Variants in TMEM164 observed in about 807,000 individuals in gnomAD.
The protein encoded by TMEM164 is RP13-360B22.2.
A neutral mutation model predicts 18.8 loss-of-function variants in TMEM164; 4 were observed. That is an observed-to-expected ratio of 0.21 (90% confidence interval 0.10 to 0.49). The LOEUF (loss-of-function observed/expected upper bound fraction) is 0.49, where lower values mean the gene tolerates loss of function less well. Among genes scored for constraint, TMEM164 ranks in the 20% least tolerant of loss-of-function variants. The probability of loss-of-function intolerance (pLI) is 0.98; values close to 1 mark genes in which losing one functional copy is unlikely to be tolerated. For synonymous variants in TMEM164, 86 were observed against 101.7 expected (o/e 0.85, Z 0.93); for missense variants, 108 against 239.9 (o/e 0.45, Z 3.63).
chrX:110,143,530 G>C (rs1042960005), intron 4 of TMEM164, among the ~76,000 whole-genome samples: 2 of 111,453 alleles, frequency 1.8e-5, no homozygotes, highest in Non-Finnish European at 3.8e-5. Flanking sequence ...TGGGTCCCTG[G>C]GAAATTATTT....
At chrX:110,172,014 G>A (rs1303661811) in intron 6 of TMEM164, among the ~76,000 whole-genome samples, 1 of 112,229 alleles carries the variant, frequency 8.9e-6, no homozygotes, top group African/African-American at 3.2e-5. Flanking sequence ...CATGAAGAAT[G>A]GTTGGATGGT....
At chrX:110,098,489 C>CT (rs2066055445) in intron 3 of TMEM164, among the ~76,000 whole-genome samples, 1 of 110,675 alleles carries the variant, frequency 9.0e-6, no homozygotes, top group East Asian at 2.8e-4. Flanking sequence ...TTTTCTTTTT[C>CT]TTTTTTTATT....
Position 110,173,474 on chromosome X carries a change from T to C in TMEM164, c.*23T>C, listed in dbSNP as rs199995701. The C allele has an allele frequency of 2.7e-5, 28 of 1,033,227 alleles. No individual in the cohort carries two copies. In the South Asian group the frequency reaches 4.0e-4, roughly 15 times the overall value. The allele number at this position is 1,033,227 out of a possible 1,213,427, so 85.1% of individuals were successfully genotyped here. A position where few individuals can be genotyped will look rare whatever the true frequency, so the allele number is the denominator to read the frequency against. Reference sequence around the variant, plus strand: ...TGAAGGTGCTTATTTTTTTTTTTTTTCCTCCCTGAGGAAGCAAGTCGTGAC... The same window carrying C: ...TGAAGGTGCTTATTTTTTTTTTTTTCCCTCCCTGAGGAAGCAAGTCGTGAC... On this transcript the variant is annotated 3_prime_UTR_variant, in exon 7 of 7. Coordinates refer to ENST00000372068, the MANE Select transcript of TMEM164 (RefSeq NM_032227.4).
At chrX:110,137,646 A>G (rs983282774) in intron 4 of TMEM164, among the ~76,000 whole-genome samples, 5 of 111,528 alleles carry the variant, frequency 4.5e-5, no homozygotes, top group Non-Finnish European at 9.4e-5. Flanking sequence ...AAGCCAATAC[A>G]TGATCTACAG....
intron 2 of TMEM164, among the ~76,000 whole-genome samples, chrX:110,021,414 G>A (rs928256566): frequency 9.0e-6 from 1 of 111,254 alleles, no homozygotes; most frequent in African/African-American, 3.3e-5. Flanking sequence ...TTGCCAGGAA[G>A]TTCAGTGGAA....
chrX:110,037,100 C>T (rs1473917963), intron 2 of TMEM164, among the ~76,000 whole-genome samples: 3 of 109,975 alleles, frequency 2.7e-5, no homozygotes, highest in Non-Finnish European at 5.7e-5. Context: ...AGTCTAGACC[C>T]TGGTAGAGCC....
intron 2 of TMEM164, among the ~76,000 whole-genome samples, chrX:110,035,245 G>T (rs1934736777): frequency 9.1e-6 from 1 of 109,941 alleles, no homozygotes; most frequent in South Asian, 3.9e-4. Context: ...ATTAAAAAAA[G>T]AAATGAAAAA....
chrX:110,149,505 C>T (rs182889961), intron 5 of TMEM164, among the ~76,000 whole-genome samples: 2 of 111,859 alleles, frequency 1.8e-5, no homozygotes, highest in Admixed American at 9.5e-5. Flanking sequence ...TCCAAAGTTC[C>T]TCCCTTTCCT....
intron 2 of TMEM164, among the ~76,000 whole-genome samples, chrX:110,025,608 T>C (rs1338390165): frequency 1.8e-5 from 2 of 112,203 alleles, no homozygotes; most frequent in Non-Finnish European, 3.8e-5. Context: ...AGTATTTGTT[T>C]TGTTTGTTTG....
At chrX:110,072,093 G>A (rs11798382) in intron 3 of TMEM164, among the ~76,000 whole-genome samples, 47,641 of 107,739 alleles carry the variant, frequency 0.44, 9,464 homozygotes, top group Non-Finnish European at 0.62. Context: ...CTGAGGTCAG[G>A]AGTTCAAGAC....
At chrX:110,132,276 T>A (rs1378652554) in intron 4 of TMEM164, among the ~76,000 whole-genome samples, 2 of 111,960 alleles carry the variant, frequency 1.8e-5, no homozygotes, top group Admixed American at 1.9e-4. Context: ...TTTATTTATG[T>A]GTGCATTTAC....
chrX:110,175,117 C>T lies in TMEM164; in HGVS notation c.*1666C>T, dbSNP rs938363019. On this transcript the variant is annotated 3_prime_UTR_variant, in exon 7 of 7. Transcript: ENST00000372068. Reference sequence around the variant, plus strand: ...TTACTCTCCTGAGCTCCTTTTGATGCGTAAGCTTTGTTTTTGGCCCTCTTT... The same window carrying T: ...TTACTCTCCTGAGCTCCTTTTGATGTGTAAGCTTTGTTTTTGGCCCTCTTT... 4 of 112,501 alleles carry T rather than the reference C, an allele frequency of 3.6e-5. No individual in the cohort carries two copies. Among genetic ancestry groups the T allele is most frequent in the Admixed American group, 9.3e-5 (1 of 10,776 alleles). The allele number at this position is 112,501 out of a possible 1,213,427, so 9.3% of individuals were successfully genotyped here. A position where few individuals can be genotyped will look rare whatever the true frequency, so the allele number is the denominator to read the frequency against.
chrX:110,149,979 T>C (rs763024994), intron 5 of TMEM164, among the ~76,000 whole-genome samples: 7 of 111,920 alleles, frequency 6.3e-5, no homozygotes, highest in Non-Finnish European at 9.4e-5. Context: ...TGGGGTGCCC[T>C]GATAAGCAAA....
At chrX:110,160,875 G>A (rs1448121499) in intron 5 of TMEM164, among the ~76,000 whole-genome samples, 1 of 112,002 alleles carries the variant, frequency 8.9e-6, no homozygotes, top group Non-Finnish European at 1.9e-5. Flanking sequence ...TGAATAGCTA[G>A]GATTACAGGC....
intron 3 of TMEM164, among the ~76,000 whole-genome samples, chrX:110,106,254 T>C (rs979652600): frequency 9.0e-6 from 1 of 111,445 alleles, no homozygotes; most frequent in South Asian, 3.8e-4. Context: ...CGTCCGTAGG[T>C]CCTGATCAGT....
chrX:110,106,373 CTTT>C (rs533400529), intron 3 of TMEM164, among the ~76,000 whole-genome samples: 2 of 92,915 alleles, frequency 2.2e-5, no homozygotes. Flanking sequence ...CAGAATCCAG[CTTT>C]TTTTTTTTTT....
Position 110,061,368 on chromosome X carries a change from C to T in TMEM164, c.391-5979C>T, listed in dbSNP as rs138664047. On this transcript the variant is annotated intron_variant, in intron 2 of 6. Coordinates refer to ENST00000372068, the MANE Select transcript of TMEM164 (RefSeq NM_032227.4). ...GCCAGAGTGCTGGTGAGTGGCAGAG[C>T]CACCATGTGGATCCAAGTTTGTCTT... Among the ~76,000 whole-genome samples, 460 of 108,248 alleles carry T rather than the reference C, an allele frequency of 4.2e-3. 1 individual carries two copies. Among genetic ancestry groups the T allele is most frequent in the African/African-American group, 0.014 (423 of 29,350 alleles). 94.0% of individuals were successfully genotyped at this position (108,248 alleles called of 115,157 possible). A position where few individuals can be genotyped will look rare whatever the true frequency, so the allele number is the denominator to read the frequency against.
intron 2 of TMEM164, among the ~76,000 whole-genome samples, chrX:110,016,895 G>A (rs1020880729): frequency 9.0e-6 from 1 of 111,294 alleles, no homozygotes; most frequent in Admixed American, 9.5e-5. Flanking sequence ...GGGCTCAAGC[G>A]ATTCTTCTGC....
At chrX:110,155,243 C>A (rs190645013) in intron 5 of TMEM164, among the ~76,000 whole-genome samples, 1 of 111,023 alleles carries the variant, frequency 9.0e-6, no homozygotes, top group Non-Finnish European at 1.9e-5. Flanking sequence ...TCTCCTGGTT[C>A]TCCTACTTCT....
Sources: allele counts gnomAD v4.1 joint callset (sites outside exome capture counted in the v4.1 genomes callset), GRCh38; gene constraint gnomAD v4.1.1; transcripts MANE v1.5; gene names NCBI Gene and HGNC (gene_info 2026-07-23, HGNC 2026-07-21).